Variants in SMIM35 observed in about 807,000 individuals in gnomAD.
SMIM35 encodes TMPRSS4 antisense RNA 1 (non-protein coding).
intron 1 of SMIM35, among the ~76,000 whole-genome samples, chr11:118,068,264 G>C (rs1278689122): frequency 1.3e-5 from 2 of 151,934 alleles, no homozygotes; most frequent in Non-Finnish European, 2.9e-5. Context: ...TTGCACCCCT[G>C]GTTTTCCACC....
intron 1 of SMIM35, among the ~76,000 whole-genome samples, chr11:118,052,181 C>T (rs534861793): frequency 6.6e-6 from 1 of 152,276 alleles, no homozygotes; most frequent in African/African-American, 2.4e-5. Flanking sequence ...AAAAGGTCAT[C>T]CCCACCCACG....
intron 4 of SMIM35, 143 bp downstream of exon 4, chr11:118,013,605 A>T (rs940826801): frequency 2.6e-6 from 1 of 387,312 alleles, no homozygotes; most frequent in Non-Finnish European, 4.6e-6. Context: ...CAAGCCTGAG[A>T]TCGGCACCAG....
intron 1 of SMIM35, among the ~76,000 whole-genome samples, chr11:118,028,543 A>T (rs11216710): frequency 6.6e-6 from 1 of 152,196 alleles, no homozygotes; most frequent in South Asian, 2.1e-4. Flanking sequence ...AACCCCTTTT[A>T]AAAAAATTAC....
intron 1 of SMIM35, among the ~76,000 whole-genome samples, chr11:118,048,666 A>C (rs1174170993): frequency 6.6e-6 from 1 of 152,036 alleles, no homozygotes; most frequent in Non-Finnish European, 1.5e-5. Flanking sequence ...AATTAAGTAA[A>C]TAATGATACA....
At chr11:118,015,962 T>G (rs1272411422) in intron 1 of SMIM35, among the ~76,000 whole-genome samples, 153 bp from the exon 2 acceptor site, 1 of 152,248 alleles carries the variant, frequency 6.6e-6, no homozygotes, top group Non-Finnish European at 1.5e-5. Flanking sequence ...CCAGCTATAC[T>G]AAGATGAAAA....
chr11:118,029,283 G>C (rs539411270), intron 1 of SMIM35, among the ~76,000 whole-genome samples: 57 of 152,244 alleles, frequency 3.7e-4, no homozygotes, highest in Admixed American at 2.2e-3. Flanking sequence ...CCAACGAAAC[G>C]CCGTCTCTAC....
chr11:118,008,419 C>T (rs1041723476), intron 4 of SMIM35, among the ~76,000 whole-genome samples: 2 of 152,238 alleles, frequency 1.3e-5, no homozygotes, highest in African/African-American at 4.8e-5. Context: ...GAGACTCTGG[C>T]CTCCTGGCTC....
chr11:118,011,909 C>T (rs2058152743), intron 4 of SMIM35, among the ~76,000 whole-genome samples: 1 of 152,162 alleles, frequency 6.6e-6, no homozygotes, highest in South Asian at 2.1e-4. Context: ...CAGTTGAAGA[C>T]CTCCAAATCC....
intron 1 of SMIM35, among the ~76,000 whole-genome samples, chr11:118,079,612 G>T (rs1274611453): frequency 6.6e-6 from 1 of 152,194 alleles, no homozygotes; most frequent in Non-Finnish European, 1.5e-5. Flanking sequence ...TGAGCCACCA[G>T]ACGTGGGTGT....
intron 1 of SMIM35, among the ~76,000 whole-genome samples, chr11:118,052,027 G>C (rs1261257523): frequency 6.6e-6 from 1 of 152,174 alleles, no homozygotes; most frequent in Admixed American, 6.5e-5. Context: ...CTGATGACAT[G>C]AGAGGTGTGA....
intron 1 of SMIM35, among the ~76,000 whole-genome samples, chr11:118,058,539 C>T (rs1003573741): frequency 1.3e-5 from 2 of 152,220 alleles, no homozygotes; most frequent in African/African-American, 2.4e-5. Flanking sequence ...GTGAGAGGCA[C>T]GTGCCTGGGA....
chr11:118,058,711 G>A (rs541263528), intron 1 of SMIM35, among the ~76,000 whole-genome samples: 3 of 152,170 alleles, frequency 2.0e-5, no homozygotes, highest in Non-Finnish European at 4.4e-5. Context: ...GGGCTGCGGC[G>A]CAGAGCACGT....
At chr11:118,056,881 T>C (rs1343263083) in intron 1 of SMIM35, among the ~76,000 whole-genome samples, 2 of 151,568 alleles carry the variant, frequency 1.3e-5, no homozygotes, top group African/African-American at 4.9e-5. Context: ...TCCAGTGAAA[T>C]GAAGGGAGCA....
At chr11:118,018,970 C>T (rs78640117) in intron 1 of SMIM35, among the ~76,000 whole-genome samples, 8,695 of 152,082 alleles carry the variant, frequency 0.057, 541 homozygotes, top group East Asian at 0.35. Context: ...TTCTAAAATG[C>T]TGCCTTTCTT....
At chr11:118,023,489 T>C (rs2135039584) in intron 1 of SMIM35, among the ~76,000 whole-genome samples, 2 of 151,468 alleles carry the variant, frequency 1.3e-5, no homozygotes, top group African/African-American at 4.9e-5. Context: ...TATCTCCTAA[T>C]GCTATCCCTC....
At chr11:118,052,818 C>A (rs928553071) in intron 1 of SMIM35, among the ~76,000 whole-genome samples, 16 of 152,072 alleles carry the variant, frequency 1.1e-4, no homozygotes, top group African/African-American at 3.9e-4. Flanking sequence ...ATACTTCCAA[C>A]AATAGGAAGC....
At chr11:118,069,485 C>T (rs1419373191) in intron 1 of SMIM35, among the ~76,000 whole-genome samples, 1 of 152,152 alleles carries the variant, frequency 6.6e-6, no homozygotes, top group African/African-American at 2.4e-5. Flanking sequence ...AACATTTACA[C>T]ACCTTTCGTT....
At chr11:118,082,262 T>A (rs138284445) in intron 1 of SMIM35, among the ~76,000 whole-genome samples, 38 of 152,220 alleles carry the variant, frequency 2.5e-4, no homozygotes, top group African/African-American at 8.9e-4. Flanking sequence ...ATTCTACAGA[T>A]GAAGAAATTG....
chr11:118,078,301 G>C (rs1944853725), intron 1 of SMIM35, among the ~76,000 whole-genome samples: 1 of 152,138 alleles, frequency 6.6e-6, no homozygotes. Flanking sequence ...CCTTGGCCAA[G>C]AGGCAGCAAT....
Sources: gnomAD v4.1 joint callset for allele counts (sites outside exome capture counted in the v4.1 genomes callset) on GRCh38, gnomAD v4.1.1 for gene constraint, MANE v1.5 for transcripts, NCBI Gene and HGNC (gene_info 2026-07-23, HGNC 2026-07-21) for gene names.